Variants in RBFOX1 observed in about 807,000 individuals in gnomAD.
RBFOX1 encodes RNA binding protein fox-1 homolog 1.
Under a neutral mutation model 57.7 loss-of-function variants are expected in RBFOX1, and 8 were observed. The ratio of observed to expected loss-of-function variants is 0.14; its 90% confidence interval spans 0.08 to 0.25. The LOEUF is 0.25. Ranked by LOEUF, RBFOX1 falls within the 10% of genes least tolerant of loss-of-function variation. The pLI is 1.00. For missense variants in RBFOX1, 611 were observed against 548.5 expected, an observed-to-expected ratio of 1.11 and a Z score of -1.14; for synonymous variants, 326 against 222.4, an observed-to-expected ratio of 1.47 and a Z score of -4.15.
chr16:6,207,469 T>C (rs1157795726), intron 1 of RBFOX1, among the ~76,000 whole-genome samples: 1 of 152,140 alleles, frequency 6.6e-6, no homozygotes, highest in Non-Finnish European at 1.5e-5. Flanking sequence ...CAAGGTGGTT[T>C]TTGTTTTTTC....
chr16:6,350,029 G>A (rs1316292726), intron 2 of RBFOX1, among the ~76,000 whole-genome samples: 5 of 152,014 alleles, frequency 3.3e-5, no homozygotes, highest in Non-Finnish European at 4.4e-5. Context: ...ACTTTGGTAC[G>A]CTCAAGTATC....
intron 1 of RBFOX1, among the ~76,000 whole-genome samples, chr16:5,335,415 G>A (rs2064870790): frequency 6.6e-6 from 1 of 152,176 alleles, no homozygotes; most frequent in African/African-American, 2.4e-5. Flanking sequence ...AGTTTTTCCC[G>A]TCATCAGCGG....
intron 4 of RBFOX1, among the ~76,000 whole-genome samples, chr16:7,492,408 A>G (rs1051947286): frequency 1.3e-5 from 2 of 152,160 alleles, no homozygotes; most frequent in East Asian, 3.9e-4. Context: ...ATACTTCCCT[A>G]TAATCATTCT....
intron 4 of RBFOX1, among the ~76,000 whole-genome samples, chr16:5,969,298 CTTTTTTTTTTTT>C (rs71142659): frequency 4.9e-4 from 41 of 83,752 alleles, no homozygotes; most frequent in East Asian, 4.4e-3. Flanking sequence ...TTCGGTTGTT[CTTTTTTTTTTTT>C]TTTTTTTTTT....
At chr16:5,796,286 A>G (rs757832404) in intron 3 of RBFOX1, among the ~76,000 whole-genome samples, 3 of 152,234 alleles carry the variant, frequency 2.0e-5, no homozygotes, top group Non-Finnish European at 4.4e-5. Context: ...GGAGCATGGA[A>G]GAAGGAAACA....
At chr16:7,500,042 C>A (rs1001126786) in intron 4 of RBFOX1, among the ~76,000 whole-genome samples, 1 of 152,146 alleles carries the variant, frequency 6.6e-6, no homozygotes, top group African/African-American at 2.4e-5. Context: ...GTCAGCCAGG[C>A]CCTGCTGTAC....
At chr16:7,621,695 A>G (rs2059343028) in intron 10 of RBFOX1, among the ~76,000 whole-genome samples, 1 of 152,218 alleles carries the variant, frequency 6.6e-6, no homozygotes, top group Non-Finnish European at 1.5e-5. Context: ...TGATCAAATG[A>G]TAGCCTCTGA....
chr16:7,494,679 C>G (rs1454881134), intron 4 of RBFOX1, among the ~76,000 whole-genome samples: 7 of 152,122 alleles, frequency 4.6e-5, no homozygotes, highest in East Asian at 3.9e-4. Flanking sequence ...GGTCATGATA[C>G]TTACTCAAAG....
chr16:6,940,046 C>A (rs538261216), intron 3 of RBFOX1, among the ~76,000 whole-genome samples: 1 of 152,102 alleles, frequency 6.6e-6, no homozygotes, highest in Non-Finnish European at 1.5e-5. Context: ...AAAACCCTGT[C>A]TCTACTGAAA....
intron 1 of RBFOX1, among the ~76,000 whole-genome samples, chr16:5,362,421 G>A (rs749519888): frequency 3.8e-4 from 58 of 152,194 alleles, no homozygotes; most frequent in Non-Finnish European, 6.0e-4. Flanking sequence ...GGAGTGCAAC[G>A]GCGCGATCTC....
intron 2 of RBFOX1, among the ~76,000 whole-genome samples, chr16:6,382,602 G>C (rs2091916825): frequency 6.6e-6 from 1 of 152,208 alleles, no homozygotes; most frequent in African/African-American, 2.4e-5. Context: ...GCTCATGCCT[G>C]TAATCCCAGA....
At chr16:7,472,564 C>T (rs890537805) in intron 4 of RBFOX1, among the ~76,000 whole-genome samples, 4 of 152,326 alleles carry the variant, frequency 2.6e-5, no homozygotes, top group East Asian at 3.9e-4. Context: ...AAATATACAA[C>T]ATAGCGTTTA....
chr16:6,696,225 A>G (rs994687863), intron 3 of RBFOX1, among the ~76,000 whole-genome samples: 2 of 152,232 alleles, frequency 1.3e-5, no homozygotes, highest in Non-Finnish European at 2.9e-5. Flanking sequence ...ATTGAGGTAT[A>G]CAATATCTGT....
chr16:6,727,172 A>G (rs1383235934), intron 3 of RBFOX1, among the ~76,000 whole-genome samples: 2 of 151,514 alleles, frequency 1.3e-5, no homozygotes, highest in African/African-American at 2.4e-5. Context: ...GCAATTCCAT[A>G]GAAAGAAGAG....
chr16:6,097,029 C>G lies in RBFOX1; in HGVS notation c.-127+77037C>G, dbSNP rs28403165. On this transcript the variant is annotated intron_variant, in intron 1 of 15. Transcript: ENST00000550418. This position sits in a 1 kb window ranked among gnomAD's most constrained non-coding sequence, Gnocchi z 5.0. ...TTCCCATGTGTTGTGTGAGGGACTT[C>G]GTGGGAGATAACTGAATCATGGGGG... Among the ~76,000 whole-genome samples, 1,542 of 152,154 alleles carry G rather than the reference C, an allele frequency of 0.01. 23 individuals carry two copies. Among genetic ancestry groups the G allele is most frequent in the African/African-American group, 0.034 (1,417 of 41,516 alleles).
At chr16:5,517,309 A>T (rs554979165) in intron 2 of RBFOX1, among the ~76,000 whole-genome samples, 2 of 152,080 alleles carry the variant, frequency 1.3e-5, no homozygotes, top group African/African-American at 4.8e-5. Context: ...GGCTGTGTGG[A>T]CTGCCATCCC....
At chr16:6,785,970 C>A (rs1169655624) in intron 3 of RBFOX1, among the ~76,000 whole-genome samples, 3 of 152,220 alleles carry the variant, frequency 2.0e-5, no homozygotes, top group Non-Finnish European at 2.9e-5. Context: ...CACTTACCAA[C>A]AGACCATCCT....
chr16:6,815,593 C>G lies in RBFOX1; in HGVS notation c.-16+160943C>G, dbSNP rs560356114. On this transcript the variant is annotated intron_variant, in intron 3 of 15. Transcript: ENST00000550418. ...CTCATTTAATCCTCCCGTCATTAAT[C>G]TCATTTTACCAATGAGTAAACTTGA... 4.6e-5 allele frequency among the ~76,000 whole-genome samples: 7 copies of G among 152,330 alleles called. No homozygotes were observed. In the South Asian group the frequency reaches 6.2e-4, roughly 14 times the overall value.
intron 4 of RBFOX1, among the ~76,000 whole-genome samples, chr16:7,204,201 A>T (rs12924145): frequency 6.6e-6 from 1 of 152,104 alleles, no homozygotes; most frequent in Non-Finnish European, 1.5e-5. Flanking sequence ...TCCATTCTCA[A>T]TGAACCATCT....
Sources: gnomAD v4.1 joint callset for allele counts (sites outside exome capture counted in the v4.1 genomes callset) on GRCh38, gnomAD v4.1.1 for gene constraint, Gnocchi (gnomAD v3.1) non-coding constraint, MANE v1.5 for transcripts, NCBI Gene and HGNC (gene_info 2026-07-23, HGNC 2026-07-21) for gene names.